Variants in STXBP5 observed in about 807,000 individuals in gnomAD.
STXBP5 encodes syntaxin-binding protein 5.
A neutral mutation model predicts 152.4 loss-of-function variants in STXBP5; 50 were observed. The ratio of observed to expected loss-of-function variants is 0.33; its 90% CI spans 0.26 to 0.42. The LOEUF is 0.42. STXBP5 is among the 10% of genes least tolerant of loss of function. STXBP5 has a pLI of 1.00. For synonymous variants in STXBP5, 492 were observed against 494.7 expected (o/e 0.99, Z 0.07); for missense variants, 1,167 against 1,388.6 (o/e 0.84, Z 2.54).
At chr6:147,370,999 C>T (rs1785514647) in intron 25 of STXBP5, among the ~76,000 whole-genome samples, 3 of 152,122 alleles carry the variant, frequency 2.0e-5, no homozygotes, top group Admixed American at 2.0e-4. Context: ...TTTTACCATT[C>T]TAACCTTGTT....
chr6:147,214,663 A>G (rs1006684120), intron 2 of STXBP5, among the ~76,000 whole-genome samples: 1 of 152,152 alleles, frequency 6.6e-6, no homozygotes, highest in Non-Finnish European at 1.5e-5. Flanking sequence ...CCGCATTGCC[A>G]TTTCTTTATA....
chr6:147,234,198 A>T (rs2115171030), intron 2 of STXBP5, among the ~76,000 whole-genome samples: 1 of 151,888 alleles, frequency 6.6e-6, no homozygotes, highest in South Asian at 2.1e-4. Flanking sequence ...AATCCCACCA[A>T]ATTTTATTTT....
intron 8 of STXBP5, among the ~76,000 whole-genome samples, chr6:147,287,266 G>A (rs1375155597): frequency 4.8e-5 from 7 of 144,600 alleles, no homozygotes; most frequent in African/African-American, 1.8e-4. Context: ...GCAGTGGCGG[G>A]ATCTCGGCTC....
At chr6:147,216,123 T>C (rs1470434804) in intron 2 of STXBP5, among the ~76,000 whole-genome samples, 1 of 152,166 alleles carries the variant, frequency 6.6e-6, no homozygotes, top group African/African-American at 2.4e-5. Context: ...TGGGCACGGT[T>C]GCTCACGCCT....
At chr6:147,340,478 C>T (rs1363647977) in intron 21 of STXBP5, among the ~76,000 whole-genome samples, 1 of 151,966 alleles carries the variant, frequency 6.6e-6, no homozygotes, top group Non-Finnish European at 1.5e-5. Flanking sequence ...AGTTAAATCA[C>T]TGTAATTATG....
chr6:147,356,271 T>G (rs1784810882), intron 22 of STXBP5, among the ~76,000 whole-genome samples: 1 of 152,028 alleles, frequency 6.6e-6, no homozygotes. Context: ...ACAGGTTAAT[T>G]TACAATGAAA....
intron 7 of STXBP5, among the ~76,000 whole-genome samples, chr6:147,274,759 G>A (rs2128339623): frequency 6.6e-6 from 1 of 151,962 alleles, no homozygotes; most frequent in African/African-American, 2.4e-5. Context: ...ATTTTTCTGA[G>A]GGCTTTGACA....
At chr6:147,236,927 T>C (rs2115186610) in intron 3 of STXBP5, among the ~76,000 whole-genome samples, 1 of 152,080 alleles carries the variant, frequency 6.6e-6, no homozygotes, top group African/African-American at 2.4e-5. Flanking sequence ...GACAGGTGCT[T>C]GCCACCACAC....
At chr6:147,351,775 A>G in intron 21 of STXBP5, 1 of 862,718 alleles carries the variant, frequency 1.2e-6, no homozygotes, top group Non-Finnish European at 1.4e-6. Flanking sequence ...TCCAACCCCC[A>G]TTCCTTCCCA....
chr6:147,300,178 T>A (rs1471576865), intron 9 of STXBP5, among the ~76,000 whole-genome samples: 1 of 151,984 alleles, frequency 6.6e-6, no homozygotes, highest in Non-Finnish European at 1.5e-5. Context: ...TGGAAGTGTA[T>A]CTTTTTCATG....
chr6:147,354,962 A>G (rs1784751293), intron 22 of STXBP5, among the ~76,000 whole-genome samples: 1 of 152,168 alleles, frequency 6.6e-6, no homozygotes, highest in Admixed American at 6.6e-5. Flanking sequence ...GAATAACTCC[A>G]ACTATATTGA....
chr6:147,283,961 C>T (rs1780828540), intron 8 of STXBP5, among the ~76,000 whole-genome samples: 1 of 151,968 alleles, frequency 6.6e-6, no homozygotes, highest in Admixed American at 6.6e-5. Flanking sequence ...ACGTGAGCTG[C>T]GTGTGTGATT....
chr6:147,207,192 A>T (rs1447495442), intron 2 of STXBP5, among the ~76,000 whole-genome samples: 1 of 152,186 alleles, frequency 6.6e-6, no homozygotes, highest in Non-Finnish European at 1.5e-5. Context: ...ATTATTTCAA[A>T]GAAGTACTAT....
intron 4 of STXBP5, among the ~76,000 whole-genome samples, chr6:147,248,721 A>G (rs988962377): frequency 6.6e-6 from 1 of 152,226 alleles, no homozygotes; most frequent in African/African-American, 2.4e-5. Context: ...TTTGATGTAC[A>G]CATAGCTATT....
intron 9 of STXBP5, among the ~76,000 whole-genome samples, chr6:147,307,801 A>G (rs994607674): frequency 6.6e-6 from 1 of 152,208 alleles, no homozygotes; most frequent in Non-Finnish European, 1.5e-5. Context: ...TTTTGTAAAT[A>G]TAAGTTTAGA....
intron 25 of STXBP5, among the ~76,000 whole-genome samples, chr6:147,366,304 G>A (rs1430929411): frequency 6.6e-6 from 1 of 152,184 alleles, no homozygotes; most frequent in African/African-American, 2.4e-5. Context: ...ACCATTCCAG[G>A]AACAGTGCTT....
chr6:147,285,583 T>A (rs909066535), intron 8 of STXBP5, among the ~76,000 whole-genome samples: 13 of 151,854 alleles, frequency 8.6e-5, no homozygotes, highest in African/African-American at 2.9e-4. Flanking sequence ...TCTATTAACA[T>A]CCTCTCAGAG....
At position 147,385,851 on chromosome 6, in the gene STXBP5, C is replaced by T. The variant is rs370414896; in HGVS notation, c.*1096C>T. ...AATTAAATGTTAGTGCACATGCTAT[C>T]GCATGGAAAATTACAAGCATCTGTT... is the stretch of plus-strand genomic sequence containing the variant. On this transcript the variant is annotated 3_prime_UTR_variant, in exon 28 of 28. Coordinates refer to ENST00000321680, the MANE Select transcript of STXBP5 (RefSeq NM_001127715.4). The T allele has an allele frequency of 5.9e-5, 9 of 152,020 alleles. No homozygotes were observed. Among genetic ancestry groups the T allele is most frequent in the East Asian group, 3.9e-4 (2 of 5,188 alleles). The allele number at this position is 152,020 out of a possible 1,614,324, so 9.4% of individuals were successfully genotyped here. A position where few individuals can be genotyped will look rare whatever the true frequency, so the allele number is the denominator to read the frequency against.
At chr6:147,310,747 A>G (rs1212797050) in intron 10 of STXBP5, among the ~76,000 whole-genome samples, 2 of 152,156 alleles carry the variant, frequency 1.3e-5, no homozygotes, top group Admixed American at 6.6e-5. Context: ...TTTTTTCAGG[A>G]AACCTCAGTT....
Sources: allele counts gnomAD v4.1 joint callset (sites outside exome capture counted in the v4.1 genomes callset), GRCh38; gene constraint gnomAD v4.1.1; transcripts MANE v1.5; gene names NCBI Gene and HGNC (gene_info 2026-07-23, HGNC 2026-07-21).